Variants in SLC28A3 observed in about 807,000 individuals in gnomAD.
The protein encoded by SLC28A3 is solute carrier family 28 member 3.
SLC28A3 carries 68 observed loss-of-function variants against 84.2 expected under a neutral mutation model. The observed-to-expected ratio is 0.81, with a 90% CI of 0.66 to 0.99. The LOEUF is 0.99. Ranked by LOEUF, SLC28A3 falls within the 50% of genes least tolerant of loss-of-function variation. The probability of loss-of-function intolerance (pLI) is 0.00; values close to 1 mark genes in which losing one functional copy is unlikely to be tolerated. For missense variants in SLC28A3, 712 were observed against 841.5 expected (o/e 0.85, Z 1.90); for synonymous variants, 267 against 303.6 (o/e 0.88, Z 1.25).
At position 84,299,656 on chromosome 9, in the gene SLC28A3, T is replaced by C; in HGVS notation, c.594A>G (p.Gln198=). Residue 198 remains glutamine, a synonymous_variant, in exon 6 of 18, where the codon CAA becomes CAG. Transcript: ENST00000376238. ...GCCCACCGAAGGACACCAGCTGCTG[T>C]TGACCCAATTTGGCAGTGTCAAAGG... The part of the protein sequence containing the change: ...WLAFDTAKLG[Q]QQLVSFGGLI... 2 of 1,613,686 alleles carry C rather than the reference T, an allele frequency of 1.2e-6. No individual in the cohort carries two copies. The highest frequency in any genetic ancestry group is 2.7e-5 in the African/African-American group (2 of 75,010).
At chr9:84,294,410 A>G in intron 8 of SLC28A3, 135 bp from the exon 9 acceptor site, 3 of 768,610 alleles carry the variant, frequency 3.9e-6, no homozygotes, top group East Asian at 5.4e-5. Context: ...TTGAACTTTA[A>G]TCAGGCAGCT....
chr9:84,302,072 A>T (rs920627816), intron 5 of SLC28A3, 128 bp downstream of exon 5: 5 of 787,604 alleles, frequency 6.3e-6, no homozygotes, highest in South Asian at 1.8e-5. Context: ...GTAACAGATT[A>T]CTTCCTAGGG....
At chr9:84,292,297 A>G (rs537385046) in intron 10 of SLC28A3, among the ~76,000 whole-genome samples, 4 of 152,350 alleles carry the variant, frequency 2.6e-5, no homozygotes, top group Non-Finnish European at 5.9e-5. Context: ...AAACCTCACA[A>G]TCACTAAATT....
chr9:84,315,066 G>A (rs920970867), intron 1 of SLC28A3, among the ~76,000 whole-genome samples: 5 of 151,788 alleles, frequency 3.3e-5, no homozygotes, highest in Admixed American at 1.3e-4. Context: ...GCGACAGAGC[G>A]AGACTCAGTC....
chr9:84,286,280 GTATT>G (rs1256306306), intron 12 of SLC28A3, among the ~76,000 whole-genome samples, 169 bp from the exon 13 acceptor site: 1 of 152,036 alleles, frequency 6.6e-6, no homozygotes, highest in African/African-American at 2.4e-5. Context: ...GGGCATATGA[GTATT>G]TAACCATGTT....
chr9:84,357,939 TAA>T, the SLC28A3 span, among the ~76,000 whole-genome samples: 28 of 152,120 alleles, frequency 1.8e-4, no homozygotes. Context: ...CTTTCCAAGC[TAA>T]AGAGGAATGA....
At chr9:84,292,514 C>G (rs1825273135) in intron 10 of SLC28A3, 154 bp downstream of exon 10, 1 of 558,522 alleles carries the variant, frequency 1.8e-6, no homozygotes, top group Admixed American at 3.6e-5. Context: ...TCTCTTCTCC[C>G]CCTGGAATCC....
rs1824574211 is a variant in SLC28A3, at chr9:84,277,731, G to C, written c.*487C>G. 6.5e-6 allele frequency: 1 copy of C among 153,658 alleles called. No individual in the cohort carries two copies. The highest frequency in any genetic ancestry group is 2.4e-5 in the African/African-American group (1 of 41,466). The allele number at this position is 153,658 out of a possible 1,614,324, so 9.5% of individuals were successfully genotyped here. On this transcript the variant is annotated 3_prime_UTR_variant, in exon 18 of 18. Transcript: ENST00000376238. ...CTTCCTGAGGGTAGTCAATGAGTTG[G>C]TGATTGATGACTAGTTTTCCCTTAT...
chr9:84,362,235 G>A, the SLC28A3 span, among the ~76,000 whole-genome samples: 1 of 152,218 alleles, frequency 6.6e-6, no homozygotes, highest in African/African-American at 2.4e-5. Context: ...AAGTCTGGGG[G>A]AGAGCCCCAG....
chr9:84,303,417 T>A (rs536126587), intron 4 of SLC28A3, among the ~76,000 whole-genome samples: 25 of 152,260 alleles, frequency 1.6e-4, no homozygotes, highest in African/African-American at 5.5e-4. Flanking sequence ...ACCTCCCAGG[T>A]TCAAGTGATT....
At chr9:84,285,272 C>A in intron 14 of SLC28A3, 73 bp downstream of exon 14, 3 of 1,451,510 alleles carry the variant, frequency 2.1e-6, no homozygotes, top group South Asian at 2.4e-5. Flanking sequence ...GCTTGACACA[C>A]AGAGGCATAA....
rs544858619 is a variant in SLC28A3, at chr9:84,301,469, T to G, written c.524+731A>C. 2.6e-5 allele frequency among the ~76,000 whole-genome samples: 4 copies of G among 152,092 alleles called. No homozygotes were observed. In the South Asian group the frequency reaches 8.3e-4, roughly 32 times the overall value. On this transcript the variant is annotated intron_variant, in intron 5 of 17. Transcript: ENST00000376238. Reference sequence around the variant, plus strand: ...AAAATATAGGGTAGATATCTCCCATTGAATAAAATTGGAAGAATGATGAAT... The same window carrying G: ...AAAATATAGGGTAGATATCTCCCATGGAATAAAATTGGAAGAATGATGAAT...
chr9:84,287,385 T>G, intron 12 of SLC28A3, among the ~76,000 whole-genome samples: 1 of 149,704 alleles, frequency 6.7e-6, no homozygotes, highest in South Asian at 2.1e-4. Context: ...TTTTCCACTC[T>G]GTTTTTTTTT....
chr9:84,304,108 G>A (rs535790863), intron 4 of SLC28A3, among the ~76,000 whole-genome samples: 1 of 152,328 alleles, frequency 6.6e-6, no homozygotes, highest in East Asian at 1.9e-4. Context: ...GTTTGTATGT[G>A]TGTTCTAGAA....
At chr9:84,347,252 TGACTGTTGA>T in the SLC28A3 span, among the ~76,000 whole-genome samples, 1 of 147,464 alleles carries the variant, frequency 6.8e-6, no homozygotes, top group Non-Finnish European at 1.5e-5. Flanking sequence ...AGAGAACTAG[TGACTGTTGA>T]ATGCTGCAAC....
At chr9:84,293,794 T>G (rs1825319816) in intron 9 of SLC28A3, among the ~76,000 whole-genome samples, 1 of 152,216 alleles carries the variant, frequency 6.6e-6, no homozygotes, top group Non-Finnish European at 1.5e-5. Context: ...CAGAAGTGTC[T>G]ACTTTTGTAA....
intron 17 of SLC28A3, 147 bp from the exon 18 acceptor site, chr9:84,278,491 C>G (rs1247640850): frequency 2.9e-6 from 3 of 1,019,764 alleles, no homozygotes; most frequent in Non-Finnish European, 4.1e-6. Flanking sequence ...GACAGAGACA[C>G]TGGGGAATTT....
the SLC28A3 span, among the ~76,000 whole-genome samples, chr9:84,347,227 A>AAAAAAAAG: frequency 1.5e-5 from 2 of 131,832 alleles, no homozygotes; most frequent in African/African-American, 6.8e-5. Flanking sequence ...AAAAAAAAAA[A>AAAAAAAAG]AAGGGAAGAA....
chr9:84,360,002 CAA>C, the SLC28A3 span, among the ~76,000 whole-genome samples: 2,226 of 56,176 alleles, frequency 0.04, 48 homozygotes, highest in African/African-American at 0.12. Flanking sequence ...AACTCTGTCT[CAA>C]AAAAAAAAAA....
Sources: allele counts gnomAD v4.1 joint callset (sites outside exome capture counted in the v4.1 genomes callset), GRCh38; gene constraint gnomAD v4.1.1; transcripts MANE v1.5; gene names NCBI Gene and HGNC (gene_info 2026-07-23, HGNC 2026-07-21).